SYNPR: variants seen among roughly 807,000 people sequenced by gnomAD.
SYNPR encodes synaptoporin.
A neutral mutation model predicts 32.9 loss-of-function variants in SYNPR; 23 were observed. The ratio of observed to expected loss-of-function variants is 0.70; its 90% CI spans 0.50 to 0.99. The LOEUF (loss-of-function observed/expected upper bound fraction) is 0.99, where lower values mean the gene tolerates loss of function less well. SYNPR is among the 50% of genes least tolerant of loss of function. The pLI is 0.00. For missense variants in SYNPR, 318 were observed against 349.3 expected, an observed-to-expected ratio of 0.91 and a Z score of 0.71; for synonymous variants, 146 against 135.9, an observed-to-expected ratio of 1.07 and a Z score of -0.52.
At chr3:63,209,231 T>C in the SYNPR span, among the ~76,000 whole-genome samples, 1 of 142,864 alleles carries the variant, frequency 7.0e-6, no homozygotes, top group East Asian at 2.0e-4. Flanking sequence ...GGCAGGAGAA[T>C]GGCATGAACC....
chr3:63,472,876 C>T (rs1473721636), intron 2 of SYNPR, among the ~76,000 whole-genome samples: 1 of 152,072 alleles, frequency 6.6e-6, no homozygotes, highest in Non-Finnish European at 1.5e-5. Context: ...ATATGTTTGG[C>T]TTTGCAGACC....
Position 63,615,988 on chromosome 3 carries a change from G to A in SYNPR, c.*507G>A, listed in dbSNP as rs1250194341. Reference sequence around the variant, plus strand: ...TCAGAAAATTATTCTTTTTTTATGTGATAAATCATATGATTTAAGTGCATG... The same window carrying A: ...TCAGAAAATTATTCTTTTTTTATGTAATAAATCATATGATTTAAGTGCATG... On this transcript the variant is annotated 3_prime_UTR_variant, in exon 6 of 6. Coordinates refer to ENST00000478300, the MANE Select transcript of SYNPR (RefSeq NM_001130003.2). The A allele has an allele frequency of 1.3e-5, 2 of 152,024 alleles. No individual in the cohort carries two copies. Among genetic ancestry groups the A allele is most frequent in the Non-Finnish European group, 2.9e-5 (2 of 68,076 alleles). The allele number at this position is 152,024 out of a possible 1,614,324, so 9.4% of individuals were successfully genotyped here.
chr3:63,261,070 G>A (rs2086433264), intron 2 of SYNPR, among the ~76,000 whole-genome samples: 1 of 152,032 alleles, frequency 6.6e-6, no homozygotes. Flanking sequence ...GAAACAACAG[G>A]TGCTGGAGAG....
chr3:63,377,932 T>C (rs2087915958), intron 2 of SYNPR, among the ~76,000 whole-genome samples: 1 of 151,988 alleles, frequency 6.6e-6, no homozygotes, highest in Admixed American at 6.6e-5. Flanking sequence ...GAAGTTGTAT[T>C]GGTTCAGAAA....
At chr3:63,240,857 C>T (rs934519806) in intron 1 of SYNPR, among the ~76,000 whole-genome samples, 1 of 152,126 alleles carries the variant, frequency 6.6e-6, no homozygotes, top group South Asian at 2.1e-4. Flanking sequence ...CATGCCAGCA[C>T]ATCACCAGCT....
At chr3:63,608,234 T>C (rs891031191) in intron 4 of SYNPR, among the ~76,000 whole-genome samples, 3 of 152,124 alleles carry the variant, frequency 2.0e-5, no homozygotes, top group African/African-American at 7.2e-5. Flanking sequence ...AGATGGTCTC[T>C]ACAATACTCA....
intron 2 of SYNPR, among the ~76,000 whole-genome samples, chr3:63,458,729 A>G (rs1288169119): frequency 7.2e-5 from 11 of 152,234 alleles, no homozygotes; most frequent in African/African-American, 2.4e-4. Flanking sequence ...TCTAGCACTC[A>G]GTCATCATCT....
intron 3 of SYNPR, among the ~76,000 whole-genome samples, chr3:63,484,482 T>C (rs1344954150): frequency 6.6e-6 from 1 of 152,052 alleles, no homozygotes; most frequent in East Asian, 1.9e-4. Context: ...AACTTATACA[T>C]GAATAAAAGA....
rs569908211 is a variant in SYNPR, at chr3:63,403,405, C to T, written c.85-77427C>T. 1.1e-4 allele frequency among the ~76,000 whole-genome samples: 16 copies of T among 149,356 alleles called. No homozygotes were observed. The East Asian group carries it at 1.2e-3, about 11-fold the overall frequency. The stretch of plus-strand genomic sequence containing the variant: ...ATATATATGTACATACATATATATA[C>T]ACACACACACACATTCTCATACGTA... On this transcript the variant is annotated intron_variant, in intron 2 of 5. Coordinates refer to ENST00000478300, the MANE Select transcript of SYNPR (RefSeq NM_001130003.2).
chr3:63,253,403 C>A (rs1376102387), intron 2 of SYNPR, among the ~76,000 whole-genome samples: 3 of 152,162 alleles, frequency 2.0e-5, no homozygotes, highest in Non-Finnish European at 4.4e-5. Context: ...ATCATTTGGA[C>A]AACTGCATTG....
At chr3:63,263,443 AT>A (rs1217643184) in intron 2 of SYNPR, among the ~76,000 whole-genome samples, 1 of 152,200 alleles carries the variant, frequency 6.6e-6, no homozygotes, top group Non-Finnish European at 1.5e-5. Flanking sequence ...TTTAATCTTT[AT>A]GCCAATTAAA....
chr3:63,448,348 A>G (rs1349842826), intron 2 of SYNPR, among the ~76,000 whole-genome samples: 1 of 152,226 alleles, frequency 6.6e-6, no homozygotes, highest in Non-Finnish European at 1.5e-5. Context: ...CCTTGTCTCA[A>G]TGTAGACTTA....
At position 63,520,872 on chromosome 3, in the gene SYNPR, C is replaced by G. The variant is rs553900244; in HGVS notation, c.210-35671C>G. The stretch of plus-strand genomic sequence containing the variant: ...CTGATGAATGTAAAATTCACAGGCT[C>G]TAGGGAGTGAGAGTCTAGCTTGACT... On this transcript the variant is annotated intron_variant, in intron 3 of 5. Transcript: ENST00000478300. Among the ~76,000 whole-genome samples the G allele has an allele frequency of 1.1e-4, 16 of 152,204 alleles. 1 individual carries two copies. The South Asian group carries it at 3.3e-3, about 32-fold the overall frequency.
intron 3 of SYNPR, among the ~76,000 whole-genome samples, chr3:63,545,745 C>T (rs1325580353): frequency 6.6e-6 from 1 of 152,024 alleles, no homozygotes; most frequent in Non-Finnish European, 1.5e-5. Flanking sequence ...TATGAAGAAC[C>T]TTACCTTTTC....
chr3:63,494,421 A>ATATATATATATACACG (rs1701322639), intron 3 of SYNPR, among the ~76,000 whole-genome samples: 1 of 20,890 alleles, frequency 4.8e-5, no homozygotes, highest in South Asian at 1.3e-3. Flanking sequence ...ATATATACGT[A>ATATATATATATACACG]TATATATATA....
intron 2 of SYNPR, among the ~76,000 whole-genome samples, chr3:63,357,487 A>G (rs1560203716): frequency 6.6e-6 from 1 of 151,952 alleles, no homozygotes; most frequent in Non-Finnish European, 1.5e-5. Flanking sequence ...GCTTTTATCC[A>G]TCAGGTCTTT....
intron 2 of SYNPR, among the ~76,000 whole-genome samples, chr3:63,258,057 C>T (rs919544414): frequency 6.6e-6 from 1 of 152,072 alleles, no homozygotes; most frequent in Non-Finnish European, 1.5e-5. Flanking sequence ...ACAGGAGCAC[C>T]CAGATCCATA....
At chr3:63,459,572 T>C (rs1559505516) in intron 2 of SYNPR, among the ~76,000 whole-genome samples, 1 of 152,154 alleles carries the variant, frequency 6.6e-6, no homozygotes. Flanking sequence ...TTTTAGATTA[T>C]CCAGGACTCA....
intron 3 of SYNPR, among the ~76,000 whole-genome samples, chr3:63,549,580 T>C (rs190889476): frequency 1.9e-3 from 292 of 152,276 alleles, no homozygotes; most frequent in African/African-American, 6.9e-3. Context: ...TTAAATGAGA[T>C]ACAAGTAGGT....
Sources: gnomAD v4.1 joint callset for allele counts (sites outside exome capture counted in the v4.1 genomes callset) on GRCh38, gnomAD v4.1.1 for gene constraint, MANE v1.5 for transcripts, NCBI Gene and HGNC (gene_info 2026-07-23, HGNC 2026-07-21) for gene names.